The following GLYR1 variants were observed in gnomAD, a reference collection of about 807,000 sequenced individuals.
GLYR1 encodes the protein glyoxylate reductase 1 homolog, also known as cytokine-like nuclear factor N-PAC.
A neutral mutation model predicts 72.7 loss-of-function variants in GLYR1; 21 were observed. That is an observed-to-expected ratio of 0.29 (90% CI 0.20 to 0.42). The LOEUF (loss-of-function observed/expected upper bound fraction) is 0.42, where lower values mean the gene tolerates loss of function less well. Among genes scored for constraint, GLYR1 ranks in the 10% least tolerant of loss-of-function variants. The probability of loss-of-function intolerance (pLI) is 1.00; values close to 1 mark genes in which losing one functional copy is unlikely to be tolerated. For missense variants in GLYR1, 594 were observed against 712.1 expected, an observed-to-expected ratio of 0.83 and a Z score of 1.89; for synonymous variants, 392 against 270.2, an observed-to-expected ratio of 1.45 and a Z score of -4.42.
chr16:4,823,439 G>T (rs937434490), intron 6 of GLYR1, among the ~76,000 whole-genome samples: 1 of 152,100 alleles, frequency 6.6e-6, no homozygotes, highest in Admixed American at 6.6e-5. Flanking sequence ...CCGCACCAAG[G>T]ATAATAAAAC....
chr16:4,805,290 C>A lies in GLYR1; in HGVS notation c.1608G>T (p.Ala536=). ...AANEVYKRAK[A]LDQSDNDMSA... ...ACATATCGTTGTCAGACTGGTCCAGCGCCTTGGCTCTTTTGTACACCTGGA... is the reference window on the plus strand; with the variant it reads ...ACATATCGTTGTCAGACTGGTCCAGAGCCTTGGCTCTTTTGTACACCTGGA... Residue 536 remains alanine (A), a synonymous_variant, in exon 16 of 16, where the codon GCG becomes GCT. Coordinates refer to ENST00000321919, the MANE Select transcript of GLYR1 (RefSeq NM_032569.4). The A allele has an allele frequency of 6.2e-7, 1 of 1,613,888 alleles. No homozygotes were observed. Among genetic ancestry groups the A allele is most frequent in the Non-Finnish European group, 8.5e-7 (1 of 1,179,968 alleles).
chr16:4,810,063 T>C (rs2083238265), intron 15 of GLYR1, among the ~76,000 whole-genome samples: 1 of 152,180 alleles, frequency 6.6e-6, no homozygotes, highest in African/African-American at 2.4e-5. Context: ...AGATAAACTT[T>C]TAAGTAATTC....
chr16:4,843,528 C>G (rs2085716442), intron 3 of GLYR1: 1 of 1,288,416 alleles, frequency 7.8e-7, no homozygotes, highest in African/African-American at 1.5e-5. Context: ...CAGCTCCAGG[C>G]CAGCGATCTC....
chr16:4,822,438 T>C (rs2084096058), intron 7 of GLYR1, among the ~76,000 whole-genome samples: 1 of 152,062 alleles, frequency 6.6e-6, no homozygotes, highest in African/African-American at 2.4e-5. Flanking sequence ...TTGCCCAGTC[T>C]GGAGTGCAGC....
chr16:4,845,480 C>A (rs1022441603), intron 2 of GLYR1, among the ~76,000 whole-genome samples: 1 of 152,074 alleles, frequency 6.6e-6, no homozygotes, highest in Non-Finnish European at 1.5e-5. Flanking sequence ...TCAACAGCAT[C>A]CCCTGCCCCC....
intron 5 of GLYR1, among the ~76,000 whole-genome samples, chr16:4,825,407 CGTT>C (rs1297242632): frequency 6.6e-6 from 1 of 152,202 alleles, no homozygotes; most frequent in Non-Finnish European, 1.5e-5. Context: ...CTACTTGGAA[CGTT>C]CTTCTGACAG....
intron 5 of GLYR1, among the ~76,000 whole-genome samples, chr16:4,830,979 C>T (rs2084760663): frequency 6.6e-6 from 1 of 152,166 alleles, no homozygotes; most frequent in Admixed American, 6.5e-5. Flanking sequence ...TGAGGTCACA[C>T]CAAGCTCCCA....
intron 9 of GLYR1, among the ~76,000 whole-genome samples, chr16:4,821,047 T>G (rs2083987756): frequency 2.6e-5 from 4 of 152,234 alleles, no homozygotes; most frequent in African/African-American, 9.6e-5. Flanking sequence ...ATACAAATTC[T>G]TGGGCCCCAC....
intron 5 of GLYR1, among the ~76,000 whole-genome samples, chr16:4,829,053 G>A (rs1382053066): frequency 6.6e-6 from 1 of 151,976 alleles, no homozygotes; most frequent in Admixed American, 6.6e-5. Context: ...TTTAGATCAT[G>A]TTCCCTATAA....
At position 4,805,115 on chromosome 16, in the gene GLYR1, T is replaced by G; in HGVS notation, c.*121A>C. ...TGTGCTGATGGCAAGTCTCAAAGTC[T>G]GTATAAAAGGAAATGGAGATAGGTG... is the stretch of plus-strand genomic sequence containing the variant. On this transcript the variant is annotated 3_prime_UTR_variant, in exon 16 of 16. Transcript: ENST00000321919. 1 of 804,430 alleles carries G rather than the reference T, an allele frequency of 1.2e-6. No homozygotes were observed. The allele number at this position is 804,430 out of a possible 1,614,324, so 49.8% of individuals were successfully genotyped here. A position where few individuals can be genotyped will look rare whatever the true frequency, so the allele number is the denominator to read the frequency against.
chr16:4,809,188 G>GTT lies in GLYR1; in HGVS notation c.1587+1980_1587+1981dup, dbSNP rs1263215689. Among the ~76,000 whole-genome samples, 133 of 95,282 alleles carry GTT rather than the reference G, an allele frequency of 1.4e-3. 4 individuals carry two copies. Among genetic ancestry groups the GTT allele is most frequent in the African/African-American group, 3.7e-3 (89 of 23,796 alleles). 62.5% of individuals were successfully genotyped at this position (95,282 alleles called of 152,430 possible). On this transcript the variant is annotated intron_variant, in intron 15 of 15. Coordinates refer to ENST00000321919, the MANE Select transcript of GLYR1 (RefSeq NM_032569.4). ...GCCTGAGAAGGCTGTAGCAGCTTTC[G>GTT]TTTTTTTTTTTTTTTTTTTGCGATG... is the stretch of plus-strand genomic sequence containing the variant.
At position 4,806,473 on chromosome 16, in the gene GLYR1, C is replaced by T. The variant is rs1274190448; in HGVS notation, c.1588-1163G>A. ...CTGGGCTCAAGCAATCCTCCTGCCT[C>T]ACCTGCCTCAGCCTCCCAAGTAGCT... On this transcript the variant is annotated intron_variant, in intron 15 of 15. Coordinates refer to ENST00000321919, the MANE Select transcript of GLYR1 (RefSeq NM_032569.4). Among the ~76,000 whole-genome samples, 3 of 151,646 alleles carry T rather than the reference C, an allele frequency of 2.0e-5. No homozygotes were observed. The South Asian group carries it at 6.2e-4, about 32-fold the overall frequency.
At chr16:4,819,985 T>C (rs1437118993) in intron 9 of GLYR1, among the ~76,000 whole-genome samples, 3 of 152,190 alleles carry the variant, frequency 2.0e-5, no homozygotes, top group Non-Finnish European at 4.4e-5. Flanking sequence ...GGAAGTCCAG[T>C]AGACCTGGGA....
At chr16:4,846,482 G>A (rs534666075) in intron 1 of GLYR1, among the ~76,000 whole-genome samples, 9 of 152,350 alleles carry the variant, frequency 5.9e-5, no homozygotes, top group African/African-American at 2.2e-4. Context: ...TGACGGGGGT[G>A]GGAGGACAGC....
chr16:4,808,734 GT>G (rs1054674265), intron 15 of GLYR1, among the ~76,000 whole-genome samples: 13 of 148,600 alleles, frequency 8.7e-5, no homozygotes, highest in East Asian at 2.0e-4. Context: ...TTTTTCAGTT[GT>G]TTTTTTTTTA....
In GLYR1 at chr16:4,831,886, A is replaced by G. The variant is rs554818854; in HGVS notation, c.537+93T>C. The G allele has an allele frequency of 4.7e-5, 71 of 1,501,364 alleles. 1 individual carries two copies. The South Asian group carries it at 7.9e-4, about 17-fold the overall frequency. The allele number at this position is 1,501,364 out of a possible 1,614,324, so 93.0% of individuals were successfully genotyped here. On this transcript the variant is annotated intron_variant, in intron 5 of 15. Coordinates refer to ENST00000321919, the MANE Select transcript of GLYR1 (RefSeq NM_032569.4). ...CTCCCACTCCATGAGCAGAGTATAG[A>G]TAAGCATACTACATAAGCATACTGT...
intron 15 of GLYR1, among the ~76,000 whole-genome samples, chr16:4,809,250 T>G (rs1462259235): frequency 7.2e-6 from 1 of 137,960 alleles, no homozygotes; most frequent in South Asian, 2.6e-4. Context: ...AGTGCAGTGG[T>G]GCGATCTAGG....
At position 4,816,108 on chromosome 16, in the gene GLYR1, T is replaced by G. The variant is rs566617609; in HGVS notation, c.907-1461A>C. Among the ~76,000 whole-genome samples, 3 of 152,244 alleles carry G rather than the reference T, an allele frequency of 2.0e-5. No individual in the cohort carries two copies. In the South Asian group the frequency reaches 6.2e-4, roughly 32 times the overall value. ...TTAATTACTCCTGATTACCGAATAT[T>G]TTTTATGCCTTTGTTTCCTCTTTTG... On this transcript the variant is annotated intron_variant, in intron 10 of 15. Coordinates refer to ENST00000321919, the MANE Select transcript of GLYR1 (RefSeq NM_032569.4).
At chr16:4,812,315 G>C in intron 12 of GLYR1, 67 bp from the exon 13 acceptor site, 2 of 1,510,146 alleles carry the variant, frequency 1.3e-6, no homozygotes, top group South Asian at 1.3e-5. Flanking sequence ...AGGACTCAAG[G>C]AGTGTTGCTG....
Sources: allele counts gnomAD v4.1 joint callset (sites outside exome capture counted in the v4.1 genomes callset), GRCh38; gene constraint gnomAD v4.1.1; transcripts MANE v1.5; gene names NCBI Gene and HGNC (gene_info 2026-07-23, HGNC 2026-07-21).